The following TSNARE1 variants were observed in gnomAD, a reference collection of about 807,000 sequenced individuals.
The protein encoded by TSNARE1 is t-SNARE domain-containing protein 1.
Under a neutral mutation model 62.0 loss-of-function variants are expected in TSNARE1, and 49 were observed. That is an observed-to-expected ratio of 0.79 (90% CI 0.63 to 1.00). TSNARE1 has a LOEUF of 1.00. Ranked by LOEUF, TSNARE1 falls within the 50% of genes least tolerant of loss-of-function variation. TSNARE1 has a pLI of 0.00. For missense variants in TSNARE1, 755 were observed against 700.1 expected (o/e 1.08, Z -0.88); for synonymous variants, 328 against 294.4 (o/e 1.11, Z -1.17).
intron 1 of TSNARE1, among the ~76,000 whole-genome samples, chr8:142,378,502 C>T (rs998827239): frequency 1.5e-4 from 23 of 152,260 alleles, no homozygotes; most frequent in African/African-American, 4.6e-4. Flanking sequence ...TTGAAGTTTG[C>T]GCACTTGCAC....
At chr8:142,221,747 A>T (rs1348275337) in intron 13 of TSNARE1, among the ~76,000 whole-genome samples, 1 of 78,040 alleles carries the variant, frequency 1.3e-5, no homozygotes, top group Non-Finnish European at 2.6e-5. Flanking sequence ...TCACTCACTC[A>T]CTCACTCATT....
intron 1 of TSNARE1, among the ~76,000 whole-genome samples, chr8:142,357,270 G>C (rs113264298): frequency 8.5e-5 from 13 of 152,234 alleles, no homozygotes; most frequent in African/African-American, 2.7e-4. Context: ...TCTTGGGTGA[G>C]GGCTGCTGCA....
At chr8:142,381,079 C>T (rs4498599) in intron 1 of TSNARE1, among the ~76,000 whole-genome samples, 203 of 152,374 alleles carry the variant, frequency 1.3e-3, no homozygotes, top group African/African-American at 4.7e-3. Flanking sequence ...GCCTCAGCAG[C>T]CAATCAGGGC....
At chr8:142,275,827 A>G in intron 11 of TSNARE1, 2 of 953,260 alleles carry the variant, frequency 2.1e-6, no homozygotes, top group Non-Finnish European at 2.5e-6. Flanking sequence ...CATTACAACC[A>G]CAGGGACTGC....
chr8:142,276,555 G>A (rs1586956309), intron 11 of TSNARE1: 5 of 985,462 alleles, frequency 5.1e-6, no homozygotes, highest in Non-Finnish European at 4.8e-6. Flanking sequence ...GAGACAGGAA[G>A]GCCATGGTGG....
intron 10 of TSNARE1, among the ~76,000 whole-genome samples, chr8:142,295,854 G>T (rs1191073703): frequency 6.6e-6 from 1 of 151,310 alleles, no homozygotes; most frequent in Non-Finnish European, 1.5e-5. Flanking sequence ...CCTGCAGCAT[G>T]GCTCTGCAGG....
chr8:142,276,192 C>A (rs532618906), intron 11 of TSNARE1: 199 of 985,480 alleles, frequency 2.0e-4, no homozygotes, highest in Middle Eastern at 5.2e-4. Context: ...AGCCAAAGCC[C>A]AGAGAGCGGG....
At chr8:142,341,341 G>C (rs568045405) in intron 4 of TSNARE1, among the ~76,000 whole-genome samples, 50 of 152,314 alleles carry the variant, frequency 3.3e-4, no homozygotes, top group Non-Finnish European at 5.9e-4. Context: ...CCAAGGCAAG[G>C]GCAAAGGGAC....
intron 12 of TSNARE1, chr8:142,274,562 C>T: frequency 1.0e-6 from 1 of 985,436 alleles, no homozygotes; most frequent in Non-Finnish European, 1.2e-6. Context: ...GGAGACGGTG[C>T]CGACCGCTGT....
chr8:142,308,518 G>A (rs1442953130), intron 9 of TSNARE1, among the ~76,000 whole-genome samples: 1 of 152,126 alleles, frequency 6.6e-6, no homozygotes, highest in Non-Finnish European at 1.5e-5. Context: ...CGCCACGTAC[G>A]TGTGGTCCGT....
In TSNARE1 at chr8:142,315,037, G is replaced by A. The variant is rs748416787; in HGVS notation, c.1040C>T (p.Ser347Leu). The A allele has an allele frequency of 1.9e-6, 3 of 1,614,046 alleles. No individual in the cohort carries two copies. The highest frequency in any genetic ancestry group is 2.7e-5 in the African/African-American group (2 of 74,914). Residue 347 changes from serine to leucine, a missense_variant, in exon 8 of 14, where the codon TCA (serine) becomes TTA (leucine). Transcript: ENST00000524325. Reference protein sequence around the residue: ...PQLDRLKTQLSDAIQCYGVVQ... With the variant: ...PQLDRLKTQLLDAIQCYGVVQ... The stretch of plus-strand genomic sequence containing the variant: ...CACTCCATAGCACTGAATGGCATCT[G>A]AGAGCTGGGTTTTCAGCCGGTCCAG...
At chr8:142,257,828 T>C (rs1302147016) in intron 12 of TSNARE1, among the ~76,000 whole-genome samples, 7 of 152,126 alleles carry the variant, frequency 4.6e-5, no homozygotes, top group African/African-American at 1.7e-4. Flanking sequence ...GGAGAAGCCC[T>C]TTCTGCCCAC....
intron 10 of TSNARE1, among the ~76,000 whole-genome samples, chr8:142,298,312 G>A (rs1053332979): frequency 7.2e-5 from 11 of 152,244 alleles, no homozygotes; most frequent in South Asian, 2.1e-4. Context: ...GAGGGAACCC[G>A]GGGCCAGGAC....
At chr8:142,237,499 C>A (rs1280534154) in intron 12 of TSNARE1, among the ~76,000 whole-genome samples, 1 of 152,258 alleles carries the variant, frequency 6.6e-6, no homozygotes, top group African/African-American at 2.4e-5. Flanking sequence ...CAGGCCCTGG[C>A]TCTCTCCACC....
chr8:142,226,113 G>A (rs1816755981), intron 13 of TSNARE1, among the ~76,000 whole-genome samples: 1 of 152,192 alleles, frequency 6.6e-6, no homozygotes, highest in Non-Finnish European at 1.5e-5. Flanking sequence ...CAAAGACCCT[G>A]TTCCCAAATA....
chr8:142,354,652 C>T lies in TSNARE1; in HGVS notation c.73G>A (p.Gly25Ser). ...CTATCATTACCTAGGGGCTGACAGC[C>T]TTGTCTCGAAGGTCCCCCGAAAGGG... ...RGPFGGPSRQ[G>S]CQPLECARCW... is the part of the protein sequence containing the mutation. The change falls in exon 2 of 14, where the codon GGC (glycine) becomes AGC (serine). Residue 25 changes from glycine to serine, a missense_variant. Physicochemically the swap from Gly to Ser is moderately conservative, Grantham distance 56 (BLOSUM62 0). Transcript: ENST00000524325. The T allele has an allele frequency of 1.2e-6, 2 of 1,613,264 alleles. No homozygotes were observed. The highest frequency in any genetic ancestry group is 1.7e-6 in the Non-Finnish European group (2 of 1,179,640).
chr8:142,346,163 G>A (rs1282158649), intron 2 of TSNARE1, among the ~76,000 whole-genome samples: 4 of 152,212 alleles, frequency 2.6e-5, no homozygotes, highest in Admixed American at 2.0e-4. Flanking sequence ...CCCAGGGCTT[G>A]CAGGGGTAGC....
chr8:142,223,297 A>T (rs373857310), intron 13 of TSNARE1, among the ~76,000 whole-genome samples: 332 of 4,294 alleles, frequency 0.077, 24 homozygotes, highest in East Asian at 0.25. Context: ...TACTCACTCA[A>T]CCACTCACTC....
chr8:142,337,604 A>G (rs1248545402), intron 4 of TSNARE1, among the ~76,000 whole-genome samples: 1 of 152,212 alleles, frequency 6.6e-6, no homozygotes, highest in Non-Finnish European at 1.5e-5. Flanking sequence ...GTCACCAGGC[A>G]GGCTGTGGGG....
Sources: gnomAD v4.1 joint callset for allele counts (sites outside exome capture counted in the v4.1 genomes callset) on GRCh38, gnomAD v4.1.1 for gene constraint, MANE v1.5 for transcripts, NCBI Gene and HGNC (gene_info 2026-07-23, HGNC 2026-07-21) for gene names.